HSF2BP: variants seen among roughly 807,000 people sequenced by gnomAD.
HSF2BP encodes heat shock factor 2-binding protein.
In HSF2BP, 35 loss-of-function variants were observed where a neutral mutation model predicts 35.0. The ratio of observed to expected loss-of-function variants is 1.00; its 90% CI spans 0.76 to 1.32. The LOEUF (loss-of-function observed/expected upper bound fraction) is 1.32. HSF2BP is among the 40% of genes most tolerant of loss of function. HSF2BP has a pLI of 0.00. For missense variants in HSF2BP, 326 were observed against 321.7 expected, an observed-to-expected ratio of 1.01 and a Z score of -0.10; for synonymous variants, 114 against 117.4, an observed-to-expected ratio of 0.97 and a Z score of 0.18.
intron 3 of HSF2BP, among the ~76,000 whole-genome samples, chr21:43,645,545 A>T (rs183720082): frequency 6.6e-6 from 1 of 152,328 alleles, no homozygotes; most frequent in East Asian, 1.9e-4. Context: ...CAGCTACCTA[A>T]TATTTGTCAC....
At chr21:43,616,052 A>AAT (rs1555868378) in intron 6 of HSF2BP, among the ~76,000 whole-genome samples, 4,141 of 143,914 alleles carry the variant, frequency 0.029, 75 homozygotes, top group African/African-American at 0.044. Context: ...AAAAAAAAAA[A>AAT]ATATATATAT....
At chr21:43,586,903 C>T (rs1328581487) in intron 8 of HSF2BP, among the ~76,000 whole-genome samples, 1 of 151,924 alleles carries the variant, frequency 6.6e-6, no homozygotes, top group African/African-American at 2.4e-5. Context: ...TGGGTTCAAA[C>T]AATTCTCCTT....
intron 8 of HSF2BP, among the ~76,000 whole-genome samples, chr21:43,578,368 TTC>T (rs2081672538): frequency 6.6e-6 from 1 of 151,554 alleles, no homozygotes; most frequent in South Asian, 2.1e-4. Context: ...TGTGTGTGCA[TTC>T]TCTTTTTTTC....
At chr21:43,628,447 A>G (rs1295387573) in intron 6 of HSF2BP, among the ~76,000 whole-genome samples, 6 of 152,250 alleles carry the variant, frequency 3.9e-5, no homozygotes, top group Admixed American at 3.3e-4. Flanking sequence ...AAAAGCCCCA[A>G]TGCTCTTCAA....
intron 8 of HSF2BP, among the ~76,000 whole-genome samples, chr21:43,577,305 T>C (rs1458801162): frequency 3.3e-5 from 5 of 152,206 alleles, no homozygotes; most frequent in Non-Finnish European, 7.3e-5. Context: ...TATCAATAAA[T>C]CTGGAATTGA....
chr21:43,618,680 TA>T (rs979833823), intron 6 of HSF2BP, among the ~76,000 whole-genome samples: 2 of 151,836 alleles, frequency 1.3e-5, no homozygotes, highest in Non-Finnish European at 2.9e-5. Context: ...CTCACGCCTG[TA>T]ATCCCAGTAC....
chr21:43,638,667 G>C (rs1264120267), intron 4 of HSF2BP, among the ~76,000 whole-genome samples: 5 of 152,162 alleles, frequency 3.3e-5, no homozygotes, highest in African/African-American at 1.2e-4. Flanking sequence ...ACAACTTAAA[G>C]AAATGGAGAG....
At chr21:43,608,816 T>A (rs192787179) in intron 7 of HSF2BP, among the ~76,000 whole-genome samples, 17 of 152,130 alleles carry the variant, frequency 1.1e-4, no homozygotes, top group Non-Finnish European at 1.8e-4. Flanking sequence ...AAAAAAAATT[T>A]TTTTTAATTA....
chr21:43,646,633 A>C (rs540791335), intron 3 of HSF2BP, among the ~76,000 whole-genome samples: 1 of 152,378 alleles, frequency 6.6e-6, no homozygotes, highest in East Asian at 1.9e-4. Context: ...GCTCTCTTGC[A>C]TTACGGTAAT....
chr21:43,467,912 A>ACACCACACACAC, the HSF2BP span, among the ~76,000 whole-genome samples: 2 of 114,552 alleles, frequency 1.7e-5, no homozygotes, highest in African/African-American at 7.3e-5. Flanking sequence ...CACGCACCAC[A>ACACCACACACAC]CACCACACAC....
At chr21:43,588,309 C>A (rs950441334) in intron 8 of HSF2BP, among the ~76,000 whole-genome samples, 8 of 152,038 alleles carry the variant, frequency 5.3e-5, no homozygotes, top group Non-Finnish European at 1.2e-4. Context: ...ACCCAGGAGG[C>A]GGAAGTTGCA....
chr21:43,592,209 T>A lies in HSF2BP; in HGVS notation c.796+16A>T, dbSNP rs762807012. 1.3e-6 allele frequency: 2 copies of A among 1,562,408 alleles called. No homozygotes were observed. Among genetic ancestry groups the A allele is most frequent in the South Asian group, 2.2e-5 (2 of 89,972 alleles). ...TAACCCGTACAAGCAGCTGGACAGA[T>A]AACCACCCCCCTTACCACTCAAAAG... On this transcript the variant is annotated intron_variant, in intron 8 of 8. Transcript: ENST00000291560.
intron 8 of HSF2BP, among the ~76,000 whole-genome samples, chr21:43,589,099 G>T (rs1430622500): frequency 6.6e-6 from 1 of 152,140 alleles, no homozygotes; most frequent in Non-Finnish European, 1.5e-5. Context: ...ATTCCACAAG[G>T]CCACATACAT....
the HSF2BP span, among the ~76,000 whole-genome samples, chr21:43,445,420 A>G: frequency 9.1e-6 from 1 of 110,090 alleles, no homozygotes. Flanking sequence ...AAGGCCACCA[A>G]GGAGCAGGAA....
At chr21:43,495,932 G>A in the HSF2BP span, among the ~76,000 whole-genome samples, 4 of 112,210 alleles carry the variant, frequency 3.6e-5, 1 homozygote, top group East Asian at 4.9e-4. Context: ...TGTGGAGCAC[G>A]GACTCCCAGG....
chr21:43,578,471 G>C (rs552007873), intron 8 of HSF2BP, among the ~76,000 whole-genome samples: 1 of 152,224 alleles, frequency 6.6e-6, no homozygotes, highest in South Asian at 2.1e-4. Flanking sequence ...GGTTCTGTTA[G>C]AAATGAAGAA....
chr21:43,653,028 G>A (rs150336747), intron 3 of HSF2BP, among the ~76,000 whole-genome samples: 1,947 of 152,024 alleles, frequency 0.013, 41 homozygotes, highest in African/African-American at 0.043. Context: ...CCAGCTACTC[G>A]GGAGACTGAG....
At chr21:43,617,836 C>G (rs551567620) in intron 6 of HSF2BP, among the ~76,000 whole-genome samples, 1 of 152,004 alleles carries the variant, frequency 6.6e-6, no homozygotes, top group Non-Finnish European at 1.5e-5. Context: ...CACCTGTAAT[C>G]CCATCTACTC....
intron 4 of HSF2BP, among the ~76,000 whole-genome samples, chr21:43,642,038 G>A (rs536442856): frequency 2.6e-4 from 40 of 152,094 alleles, no homozygotes; most frequent in Admixed American, 2.0e-3. Context: ...GCCCATGCCT[G>A]TAATCCCAGC....
Sources: gnomAD v4.1 joint callset for allele counts (sites outside exome capture counted in the v4.1 genomes callset) on GRCh38, gnomAD v4.1.1 for gene constraint, MANE v1.5 for transcripts, NCBI Gene and HGNC (gene_info 2026-07-23, HGNC 2026-07-21) for gene names.